The following HS3ST4 variants were observed in gnomAD, a reference collection of about 807,000 sequenced individuals.
HS3ST4 encodes the protein heparan sulfate glucosamine 3-O-sulfotransferase 4.
A neutral mutation model predicts 29.2 loss-of-function variants in HS3ST4; 17 were observed. The ratio of observed to expected loss-of-function variants is 0.58; its 90% CI spans 0.40 to 0.87. The LOEUF (loss-of-function observed/expected upper bound fraction) is 0.87, where lower values mean the gene tolerates loss of function less well. Ranked by LOEUF, HS3ST4 falls within the 40% of genes least tolerant of loss-of-function variation. The pLI is 0.00. For synonymous variants in HS3ST4, 314 were observed against 285.7 expected (o/e 1.10, Z -1.00); for missense variants, 627 against 634.5 (o/e 0.99, Z 0.13).
intron 1 of HS3ST4, among the ~76,000 whole-genome samples, chr16:25,915,137 G>T (rs1395630347): frequency 6.6e-6 from 1 of 152,094 alleles, no homozygotes; most frequent in Non-Finnish European, 1.5e-5. Context: ...TGGGGCACAG[G>T]ATTGCTGGCA....
intron 1 of HS3ST4, among the ~76,000 whole-genome samples, chr16:25,903,612 T>C (rs185452899): frequency 6.6e-6 from 1 of 152,078 alleles, no homozygotes; most frequent in Admixed American, 6.6e-5. Context: ...TGAGCATACT[T>C]GTCCACATCT....
chr16:25,914,149 T>G (rs1000426877), intron 1 of HS3ST4, among the ~76,000 whole-genome samples: 1 of 149,072 alleles, frequency 6.7e-6, no homozygotes, highest in Non-Finnish European at 1.5e-5. Context: ...GTATGTGTTG[T>G]GATGTGTGTA....
At chr16:25,703,200 C>A (rs1013436680) in intron 1 of HS3ST4, among the ~76,000 whole-genome samples, 1 of 152,044 alleles carries the variant, frequency 6.6e-6, no homozygotes, top group Non-Finnish European at 1.5e-5. Context: ...AGCTGGTGCA[C>A]ATTAGTCAAT....
At chr16:26,106,187 C>G (rs183677756) in intron 1 of HS3ST4, among the ~76,000 whole-genome samples, 7 of 152,116 alleles carry the variant, frequency 4.6e-5, no homozygotes, top group Admixed American at 6.5e-5. Flanking sequence ...ATATATCATT[C>G]AAGTAAATTT....
intron 1 of HS3ST4, among the ~76,000 whole-genome samples, chr16:26,038,278 A>G (rs1008860652): frequency 4.6e-5 from 7 of 152,068 alleles, no homozygotes; most frequent in African/African-American, 1.7e-4. Flanking sequence ...ACTCAACTAA[A>G]AAGGGAGAAC....
chr16:25,800,056 GCCTTCCTGCCTT>G (rs1181921947), intron 1 of HS3ST4, among the ~76,000 whole-genome samples: 3 of 143,786 alleles, frequency 2.1e-5, no homozygotes, highest in Non-Finnish European at 4.5e-5. Context: ...CTTCCTTCTT[GCCTTCCTGCCTT>G]CCTTCCTTCC....
At chr16:25,840,974 GTTTATTTATTTATTTA>G (rs201567916) in intron 1 of HS3ST4, among the ~76,000 whole-genome samples, 19 of 51,986 alleles carry the variant, frequency 3.7e-4, no homozygotes, top group East Asian at 8.4e-4. Context: ...ATATTTGTTT[GTTTATTTATTTATTTA>G]TTTATTTATT....
At chr16:25,990,267 T>C (rs1596637420) in intron 1 of HS3ST4, among the ~76,000 whole-genome samples, 1 of 152,222 alleles carries the variant, frequency 6.6e-6, no homozygotes, top group Non-Finnish European at 1.5e-5. Context: ...CCTTTGGGTA[T>C]ATATCAAACA....
intron 1 of HS3ST4, among the ~76,000 whole-genome samples, chr16:25,817,047 G>A (rs1429439409): frequency 6.6e-6 from 1 of 152,136 alleles, no homozygotes; most frequent in African/African-American, 2.4e-5. Context: ...TTTTGCAGGG[G>A]ACAAAAATTC....
intron 1 of HS3ST4, among the ~76,000 whole-genome samples, chr16:25,696,424 A>G (rs1966297476): frequency 6.6e-6 from 1 of 152,136 alleles, no homozygotes; most frequent in Non-Finnish European, 1.5e-5. Flanking sequence ...TGCAGAGCAT[A>G]CGGTAACCAT....
intron 1 of HS3ST4, among the ~76,000 whole-genome samples, chr16:26,072,930 A>G (rs4277348): frequency 6.6e-6 from 1 of 152,262 alleles, no homozygotes; most frequent in Non-Finnish European, 1.5e-5. Flanking sequence ...GTAGAAAAGT[A>G]AATCTCTACA....
At chr16:26,004,053 C>A (rs1351733789) in intron 1 of HS3ST4, among the ~76,000 whole-genome samples, 1 of 152,106 alleles carries the variant, frequency 6.6e-6, no homozygotes, top group African/African-American at 2.4e-5. Context: ...ATGTGTATTT[C>A]TACTGTTTGA....
intron 1 of HS3ST4, among the ~76,000 whole-genome samples, chr16:25,708,348 G>C (rs938975980): frequency 6.6e-6 from 1 of 152,158 alleles, no homozygotes; most frequent in Admixed American, 6.5e-5. Flanking sequence ...CAATAAGCAA[G>C]TATCAAAACA....
intron 1 of HS3ST4, among the ~76,000 whole-genome samples, chr16:26,021,873 A>T (rs1011010646): frequency 6.6e-6 from 1 of 151,924 alleles, no homozygotes. Context: ...CATGTTGGCC[A>T]GGCTGGTATT....
chr16:26,061,899 A>G (rs1396452670), intron 1 of HS3ST4, among the ~76,000 whole-genome samples: 1 of 152,110 alleles, frequency 6.6e-6, no homozygotes, highest in Admixed American at 6.5e-5. Flanking sequence ...TGCTTTTTTC[A>G]TTTTTGTTTT....
In HS3ST4 at chr16:25,921,936, G is replaced by A. The variant is rs182083266; in HGVS notation, c.735-213676G>A. 2.2e-4 allele frequency among the ~76,000 whole-genome samples: 33 copies of A among 151,822 alleles called. No homozygotes were observed. The East Asian group carries it at 3.1e-3, about 14-fold the overall frequency. On this transcript the variant is annotated intron_variant, in intron 1 of 1. Transcript: ENST00000331351. Reference sequence around the variant, plus strand: ...TGCCTGGCTAATTTTTGTATTTTTTGTAGAGATGGGGTTTTGCCATGTTAC... The same window carrying A: ...TGCCTGGCTAATTTTTGTATTTTTTATAGAGATGGGGTTTTGCCATGTTAC...
intron 1 of HS3ST4, among the ~76,000 whole-genome samples, chr16:25,926,204 C>T (rs764720658): frequency 7.2e-5 from 11 of 152,120 alleles, no homozygotes; most frequent in Non-Finnish European, 1.6e-4. Context: ...CTTTCATGCC[C>T]CTCTGTAAAT....
At chr16:25,893,466 G>C (rs144442968) in intron 1 of HS3ST4, among the ~76,000 whole-genome samples, 208 of 152,296 alleles carry the variant, frequency 1.4e-3, no homozygotes, top group African/African-American at 4.9e-3. Context: ...GGACCAGGAA[G>C]GGATCCCGTT....
At chr16:25,717,224 G>A (rs1966460438) in intron 1 of HS3ST4, among the ~76,000 whole-genome samples, 1 of 152,122 alleles carries the variant, frequency 6.6e-6, no homozygotes, top group Admixed American at 6.5e-5. Flanking sequence ...CAGGCATTGT[G>A]GTTGGTGCTG....
Sources: gnomAD v4.1 joint callset for allele counts (sites outside exome capture counted in the v4.1 genomes callset) on GRCh38, gnomAD v4.1.1 for gene constraint, MANE v1.5 for transcripts, NCBI Gene and HGNC (gene_info 2026-07-23, HGNC 2026-07-21) for gene names.